The following ARID1B variants were observed in gnomAD, a reference collection of about 807,000 sequenced individuals.
ARID1B encodes AT-rich interactive domain-containing protein 1B.
Under a neutral mutation model 212.3 loss-of-function variants are expected in ARID1B, and 30 were observed. The observed-to-expected ratio is 0.14, with a 90% CI of 0.11 to 0.19. ARID1B has a LOEUF of 0.19. Ranked by LOEUF, ARID1B falls within the 10% of genes least tolerant of loss-of-function variation. The pLI is 1.00. For missense variants in ARID1B, 2,891 were observed against 3,204.0 expected (o/e 0.90, Z 2.36); for synonymous variants, 1,402 against 1,301.7 (o/e 1.08, Z -1.66).
At chr6:156,856,974 C>T (rs1784996712) in intron 2 of ARID1B, among the ~76,000 whole-genome samples, 1 of 152,054 alleles carries the variant, frequency 6.6e-6, no homozygotes, top group Non-Finnish European at 1.5e-5. Context: ...TGGAAGGGTC[C>T]AGAAGGGCTT....
At chr6:157,104,513 T>C (rs1370924129) in intron 5 of ARID1B, among the ~76,000 whole-genome samples, 1 of 152,176 alleles carries the variant, frequency 6.6e-6, no homozygotes, top group African/African-American at 2.4e-5. Flanking sequence ...GGAGAATCAA[T>C]GACAAATTAG....
chr6:157,165,182 G>A (rs1442483882), intron 8 of ARID1B, among the ~76,000 whole-genome samples: 6 of 152,184 alleles, frequency 3.9e-5, no homozygotes, highest in African/African-American at 1.2e-4. Flanking sequence ...TGACCTAGAG[G>A]TTAATCAGAA....
At chr6:156,786,523 T>C (rs1297858564) in intron 1 of ARID1B, among the ~76,000 whole-genome samples, 1 of 152,250 alleles carries the variant, frequency 6.6e-6, no homozygotes, top group East Asian at 1.9e-4. Flanking sequence ...GAATTGCTGC[T>C]GATGCTGATA....
At chr6:156,895,646 T>C (rs192693423) in intron 2 of ARID1B, among the ~76,000 whole-genome samples, 8 of 151,954 alleles carry the variant, frequency 5.3e-5, no homozygotes, top group Admixed American at 2.6e-4. Flanking sequence ...AAGTGGAAAA[T>C]TGTGAAATAA....
intron 1 of ARID1B, among the ~76,000 whole-genome samples, chr6:156,786,875 T>C (rs538311914): frequency 6.6e-6 from 1 of 152,170 alleles, no homozygotes; most frequent in South Asian, 2.1e-4. Flanking sequence ...GCTGACATCA[T>C]TGACTTAGAA....
At chr6:156,827,437 CACCT>C (rs1014245290) in intron 1 of ARID1B, among the ~76,000 whole-genome samples, 1 of 152,212 alleles carries the variant, frequency 6.6e-6, no homozygotes, top group Non-Finnish European at 1.5e-5. Flanking sequence ...ACCTCAGCCT[CACCT>C]GCCTGCCAGG....
At chr6:157,061,957 A>C (rs560932693) in intron 4 of ARID1B, among the ~76,000 whole-genome samples, 8 of 152,164 alleles carry the variant, frequency 5.3e-5, no homozygotes, top group Non-Finnish European at 8.8e-5. Flanking sequence ...CACCATGGTA[A>C]ATTTTTCCAG....
intron 5 of ARID1B, among the ~76,000 whole-genome samples, chr6:157,096,609 G>A (rs1785651392): frequency 6.6e-6 from 1 of 152,232 alleles, no homozygotes; most frequent in Non-Finnish European, 1.5e-5. Flanking sequence ...GGCCTGCACA[G>A]CCCTCCTTGT....
intron 4 of ARID1B, among the ~76,000 whole-genome samples, chr6:157,076,889 T>C (rs58127306): frequency 6.6e-6 from 1 of 152,236 alleles, no homozygotes; most frequent in African/African-American, 2.4e-5. Flanking sequence ...GGTGATTTTT[T>C]CCTTTCTAAC....
rs2128290445 is a variant in ARID1B, at chr6:157,167,081, C to T, written c.3131C>T (p.Ala1044Val). 6.2e-7 allele frequency: 1 copy of T among 1,612,632 alleles called. No homozygotes were observed. Among genetic ancestry groups the T allele is most frequent in the Non-Finnish European group, 8.5e-7 (1 of 1,180,026 alleles). Residue 1044 changes from alanine (A) to valine (V), a missense_variant, in exon 9 of 20, where the codon GCT (alanine) becomes GTT (valine). Physicochemically the swap from Ala to Val is moderately conservative, Grantham distance 64. Transcript: ENST00000636930. ...FPGMNQSGLM[A>V]SSSPYSQPMN... ...GGCATGAACCAGAGTGGACTTATGG[C>T]TTCCAGCTCTCCCTACAGCCAGCCC... is the stretch of plus-strand genomic sequence containing the variant.
At chr6:157,047,396 G>A (rs1460124172) in intron 4 of ARID1B, among the ~76,000 whole-genome samples, 1 of 152,150 alleles carries the variant, frequency 6.6e-6, no homozygotes, top group Non-Finnish European at 1.5e-5. Context: ...GGAGTTCTTG[G>A]TGTAATAGGA....
intron 15 of ARID1B, among the ~76,000 whole-genome samples, chr6:157,192,598 A>G (rs534024602): frequency 6.6e-6 from 1 of 152,318 alleles, no homozygotes; most frequent in African/African-American, 2.4e-5. Context: ...TAAATTGAGG[A>G]GCATACTGAA....
At chr6:157,149,568 G>C (rs1247335476) in intron 8 of ARID1B, 1 of 152,108 alleles carries the variant, frequency 6.6e-6, no homozygotes, top group Non-Finnish European at 1.5e-5. Flanking sequence ...TTGATAAAAG[G>C]CTTTAGCTAC....
chr6:157,202,667 CAT>C (rs1418697338), intron 18 of ARID1B, among the ~76,000 whole-genome samples: 11 of 151,670 alleles, frequency 7.3e-5, no homozygotes, highest in Admixed American at 4.6e-4. Flanking sequence ...CACACACACA[CAT>C]ATTCCTTTAT....
intron 4 of ARID1B, among the ~76,000 whole-genome samples, chr6:157,082,035 C>G (rs1784662593): frequency 6.6e-6 from 1 of 152,006 alleles, no homozygotes; most frequent in Non-Finnish European, 1.5e-5. Context: ...ACTGTCAGGG[C>G]CTGGATATGG....
At chr6:157,154,751 G>C (rs1790465299) in intron 8 of ARID1B, among the ~76,000 whole-genome samples, 1 of 151,674 alleles carries the variant, frequency 6.6e-6, no homozygotes, top group South Asian at 2.1e-4. Flanking sequence ...GCTAATTTTT[G>C]TATTTTTTTT....
intron 18 of ARID1B, among the ~76,000 whole-genome samples, chr6:157,202,366 C>A (rs569610470): frequency 6.6e-6 from 1 of 152,226 alleles, no homozygotes; most frequent in East Asian, 1.9e-4. Flanking sequence ...GACTTAAAAT[C>A]TTTTTCAGTG....
At chr6:157,146,162 C>CT (rs1301452809) in intron 7 of ARID1B, among the ~76,000 whole-genome samples, 2 of 152,164 alleles carry the variant, frequency 1.3e-5, no homozygotes, top group Admixed American at 1.3e-4. Flanking sequence ...TCCCCAGCCT[C>CT]TCAGCCATAA....
intron 4 of ARID1B, among the ~76,000 whole-genome samples, chr6:157,033,935 C>A (rs1213293648): frequency 6.6e-6 from 1 of 152,202 alleles, no homozygotes; most frequent in Non-Finnish European, 1.5e-5. Flanking sequence ...AGTTCTCTCT[C>A]CCATTGAAGT....
Sources: allele counts gnomAD v4.1 joint callset (sites outside exome capture counted in the v4.1 genomes callset), GRCh38; gene constraint gnomAD v4.1.1; transcripts MANE v1.5; gene names NCBI Gene and HGNC (gene_info 2026-07-23, HGNC 2026-07-21).